SHISAL1: variants seen among roughly 807,000 people sequenced by gnomAD.
The protein encoded by SHISAL1 is shisa like 1, also known as protein shisa-like-1.
SHISAL1 carries 9 observed loss-of-function variants against 22.6 expected under a neutral mutation model. That is an observed-to-expected ratio of 0.40 (90% CI 0.24 to 0.70). The LOEUF is 0.70. SHISAL1 is among the 30% of genes least tolerant of loss of function. SHISAL1 has a pLI of 0.39. For synonymous variants in SHISAL1, 119 were observed against 115.4 expected (o/e 1.03, Z -0.20); for missense variants, 246 against 270.6 (o/e 0.91, Z 0.64).
intron 4 of SHISAL1, among the ~76,000 whole-genome samples, chr22:44,269,904 T>C (rs1273134357): frequency 2.0e-5 from 3 of 152,232 alleles, no homozygotes; most frequent in African/African-American, 7.2e-5. Flanking sequence ...CTGTCCTTCC[T>C]GGTCAGCAGC....
At chr22:44,254,717 T>C (rs79235726) in intron 4 of SHISAL1, among the ~76,000 whole-genome samples, 138 of 151,724 alleles carry the variant, frequency 9.1e-4, no homozygotes, top group African/African-American at 3.3e-3. Flanking sequence ...AGGAATCTAA[T>C]GAAGCAGGAG....
chr22:44,268,457 A>T (rs529661561), intron 4 of SHISAL1, among the ~76,000 whole-genome samples: 1 of 152,148 alleles, frequency 6.6e-6, no homozygotes, highest in South Asian at 2.1e-4. Context: ...CCCTTCCCTC[A>T]TTTTACACAA....
At chr22:44,271,704 C>T (rs1002704209) in intron 4 of SHISAL1, among the ~76,000 whole-genome samples, 47 of 152,216 alleles carry the variant, frequency 3.1e-4, no homozygotes, top group African/African-American at 7.2e-4. Flanking sequence ...ATCTGGGAGC[C>T]GGGCCTATTA....
chr22:44,278,122 T>C (rs135405), intron 4 of SHISAL1, among the ~76,000 whole-genome samples: 77,012 of 152,076 alleles, frequency 0.51, 20,992 homozygotes, highest in Non-Finnish European at 0.62. Context: ...CACCTTCATC[T>C]GGGTGGGCAC....
chr22:44,296,848 T>C lies in SHISAL1; in HGVS notation c.105A>G (p.Thr35=), dbSNP rs920820803. The C allele has an allele frequency of 6.2e-7, 1 of 1,612,956 alleles. No homozygotes were observed. Among genetic ancestry groups the C allele is most frequent in the African/African-American group, 1.3e-5 (1 of 74,900 alleles). The change falls in exon 3 of 5, where the codon ACA becomes ACG. Residue 35 remains threonine, a synonymous_variant. Coordinates refer to ENST00000381176, the MANE Select transcript of SHISAL1 (RefSeq NM_001099294.2). ...CAAAGTGGTAGCGGCCTTTGTGGTC[T>C]GTGTATGGTTCACAGACCCGGAAAT... ...SAHFRVCEPY[T]DHKGRYHFGF... is the part of the protein sequence containing the mutation.
chr22:44,291,191 G>A (rs1455460100), intron 3 of SHISAL1, among the ~76,000 whole-genome samples: 1 of 152,186 alleles, frequency 6.6e-6, no homozygotes, highest in African/African-American at 2.4e-5. Flanking sequence ...CATCCTACCC[G>A]GGATAGGGGC....
chr22:44,316,098 T>C (rs188980969), upstream of SHISAL1, among the ~76,000 whole-genome samples: 194 of 152,304 alleles, frequency 1.3e-3, 1 homozygote, highest in African/African-American at 4.5e-3. Context: ...CATGTCATTC[T>C]GTGACTTGCC....
intron 4 of SHISAL1, among the ~76,000 whole-genome samples, chr22:44,275,878 A>T (rs2055236426): frequency 6.6e-6 from 1 of 152,228 alleles, no homozygotes; most frequent in Non-Finnish European, 1.5e-5. Flanking sequence ...AATGCAGCTC[A>T]TTGATTGGAC....
chr22:44,296,225 C>G (rs1474037757), intron 3 of SHISAL1, among the ~76,000 whole-genome samples: 1 of 142,344 alleles, frequency 7.0e-6, no homozygotes, highest in African/African-American at 2.7e-5. Flanking sequence ...ATGGCGCCAT[C>G]TCTGCTCACT....
At chr22:44,331,667 C>G in the SHISAL1 span, among the ~76,000 whole-genome samples, 1 of 148,634 alleles carries the variant, frequency 6.7e-6, no homozygotes, top group Non-Finnish European at 1.5e-5. The surrounding 1 kb of genome is among the most constrained non-coding windows in gnomAD (Gnocchi z 5.2). Flanking sequence ...GCTCCCTGAT[C>G]GGCGCTCGGA....
In SHISAL1 at chr22:44,244,667, T is replaced by C. The variant is rs2054983200; in HGVS notation, c.*5018A>G. 6.6e-6 allele frequency: 1 copy of C among 151,970 alleles called. No homozygotes were observed. Among genetic ancestry groups the C allele is most frequent in the African/African-American group, 2.4e-5 (1 of 41,402 alleles). The allele number at this position is 151,970 out of a possible 1,614,324, so 9.4% of individuals were successfully genotyped here. On this transcript the variant is annotated 3_prime_UTR_variant, in exon 5 of 5. Transcript: ENST00000381176. ...TTCATTTTGTGAATCTGAGCATGTC[T>C]GTTAGGCACAACTAGCCGTTTCACA... is the stretch of plus-strand genomic sequence containing the variant.
Position 44,253,832 on chromosome 22 carries a change from C to CTGTGTGTGTGTG in SHISAL1, c.*-4159_*-4148dup, listed in dbSNP as rs61001074. ...TATACGGAGCCAAATAATCTAACAA[C>CTGTGTGTGTGTG]TGTGTGTGTGTGTGTGTGTGTGTAA... On this transcript the variant is annotated intron_variant, in intron 4 of 4. Transcript: ENST00000381176. Among the ~76,000 whole-genome samples the CTGTGTGTGTGTG allele has an allele frequency of 1.4e-3, 208 of 149,256 alleles. 1 individual carries two copies. Among genetic ancestry groups the CTGTGTGTGTGTG allele is most frequent in the Middle Eastern group, 6.8e-3 (2 of 292 alleles).
In SHISAL1 at chr22:44,302,080, G is replaced by A. The variant is rs1025061361; in HGVS notation, c.-32-1103C>T. Among the ~76,000 whole-genome samples, 10 of 152,144 alleles carry A rather than the reference G, an allele frequency of 6.6e-5. No homozygotes were observed. In the South Asian group the frequency reaches 8.3e-4, roughly 13 times the overall value. ...GTACAGTGGCCCACACCACCCAGGC[G>A]TTGTAATCCCAGCACTTTGGGAGGC... On this transcript the variant is annotated intron_variant, in intron 1 of 4. Transcript: ENST00000381176.
chr22:44,285,485 G>C lies in SHISAL1; in HGVS notation c.542C>G (p.Thr181Arg), dbSNP rs1170424191. ...PLPQAPQAVH[T>R]LRGDAHSPPL... ...TGGGCTGTGAGCATCTCCCCGCAAT[G>C]TGTGCACGGCCTGTGGGGCTTGTGG... The change falls in exon 4 of 5, where the codon ACA becomes AGA. Residue 181 changes from threonine to arginine, a missense_variant. Coordinates refer to ENST00000381176, the MANE Select transcript of SHISAL1 (RefSeq NM_001099294.2). 1.9e-6 allele frequency: 3 copies of C among 1,614,070 alleles called. No homozygotes were observed. The highest frequency in any genetic ancestry group is 2.7e-5 in the African/African-American group (2 of 75,058).
the SHISAL1 span, among the ~76,000 whole-genome samples, chr22:44,319,918 G>A: frequency 6.6e-5 from 10 of 152,052 alleles, no homozygotes; most frequent in Admixed American, 2.0e-4. Flanking sequence ...AGGGATGGGC[G>A]GCGGGGTGGG....
the SHISAL1 span, among the ~76,000 whole-genome samples, chr22:44,327,240 GCACACACACACACACACA>G: frequency 3.3e-4 from 48 of 144,972 alleles, no homozygotes; most frequent in Middle Eastern, 3.5e-3. Context: ...TGGGGGGCGC[GCACACACACACACACACA>G]CACACACACA....
At chr22:44,303,399 G>C (rs775755170) in intron 1 of SHISAL1, among the ~76,000 whole-genome samples, 10 of 152,116 alleles carry the variant, frequency 6.6e-5, no homozygotes, top group Non-Finnish European at 1.2e-4. Context: ...CCTAATCCAA[G>C]AAGACTGGTG....
chr22:44,278,018 A>T (rs186013456), intron 4 of SHISAL1, among the ~76,000 whole-genome samples: 1 of 152,218 alleles, frequency 6.6e-6, no homozygotes, highest in Admixed American at 6.5e-5. Context: ...TGTCAACTTG[A>T]TTGAAGGATG....
At position 44,308,816 on chromosome 22, in the gene SHISAL1, TAGAC is replaced by T. The variant is rs1427929130; in HGVS notation, c.-33+3931_-33+3934del. ...CCTCTGCCCCAGGGTTGGCCCTCCT[TAGAC>T]AGGGGCCACGCTCGGGCCTGAACCC... is the stretch of plus-strand genomic sequence containing the variant. On this transcript the variant is annotated intron_variant, in intron 1 of 4. Transcript: ENST00000381176. Among the ~76,000 whole-genome samples, 5 of 152,274 alleles carry T rather than the reference TAGAC, an allele frequency of 3.3e-5. No individual in the cohort carries two copies. In the East Asian group the frequency reaches 9.7e-4, roughly 29 times the overall value.
Sources: allele counts gnomAD v4.1 joint callset (sites outside exome capture counted in the v4.1 genomes callset), GRCh38; gene constraint gnomAD v4.1.1; non-coding constraint Gnocchi (gnomAD v3.1); transcripts MANE v1.5; gene names NCBI Gene and HGNC (gene_info 2026-07-23, HGNC 2026-07-21).